Variants in SLC35F4 observed in about 807,000 individuals in gnomAD.
The protein encoded by SLC35F4 is solute carrier family 35 member F4.
A neutral mutation model predicts 44.2 loss-of-function variants in SLC35F4; 24 were observed. The ratio of observed to expected loss-of-function variants is 0.54; its 90% CI spans 0.39 to 0.76. The LOEUF (loss-of-function observed/expected upper bound fraction) is 0.76, where lower values mean the gene tolerates loss of function less well. Among genes scored for constraint, SLC35F4 ranks in the 30% least tolerant of loss-of-function variants. SLC35F4 has a pLI of 0.00. For missense variants in SLC35F4, 562 were observed against 586.1 expected (o/e 0.96, Z 0.42); for synonymous variants, 238 against 223.6 (o/e 1.06, Z -0.57).
chr14:57,759,865 G>T (rs1433825481), intron 1 of SLC35F4, among the ~76,000 whole-genome samples: 2 of 146,046 alleles, frequency 1.4e-5, no homozygotes, highest in African/African-American at 5.2e-5. Context: ...TAGATTATTT[G>T]CTCTTTCTTT....
intron 1 of SLC35F4, among the ~76,000 whole-genome samples, chr14:57,708,016 C>T (rs1286594468): frequency 3.3e-5 from 5 of 152,182 alleles, no homozygotes; most frequent in Non-Finnish European, 5.9e-5. Flanking sequence ...GCAGGATTAA[C>T]AAATTAGCCA....
chr14:57,688,637 T>C (rs989893725), intron 1 of SLC35F4, among the ~76,000 whole-genome samples: 5 of 152,134 alleles, frequency 3.3e-5, no homozygotes, highest in African/African-American at 1.2e-4. Context: ...GTTGGTACCA[T>C]CTCTTAATCT....
intron 1 of SLC35F4, among the ~76,000 whole-genome samples, chr14:57,953,759 G>C (rs1417317261): frequency 6.6e-6 from 1 of 152,136 alleles, no homozygotes; most frequent in Non-Finnish European, 1.5e-5. Context: ...CAATACAGGA[G>C]CACCCAGATT....
chr14:57,789,701 AT>A (rs1245828253), intron 1 of SLC35F4, among the ~76,000 whole-genome samples: 9 of 152,200 alleles, frequency 5.9e-5, no homozygotes, highest in African/African-American at 1.9e-4. Context: ...CAAAAATAAA[AT>A]TTCAGACCAA....
At chr14:57,616,970 C>T (rs1253243430) in intron 1 of SLC35F4, among the ~76,000 whole-genome samples, 1 of 151,954 alleles carries the variant, frequency 6.6e-6, no homozygotes, top group Admixed American at 6.6e-5. Context: ...CTGCATTATA[C>T]ATTATGAAAA....
chr14:57,922,358 C>T (rs1231792829), intron 1 of SLC35F4, among the ~76,000 whole-genome samples: 3 of 152,156 alleles, frequency 2.0e-5, no homozygotes, highest in Non-Finnish European at 2.9e-5. Flanking sequence ...AAAGAAGACA[C>T]CATTAACCAA....
rs1411348696 is a variant in SLC35F4, at chr14:57,581,389, A to G, written c.632T>C (p.Leu211Pro). 2.5e-6 allele frequency: 4 copies of G among 1,612,944 alleles called. No homozygotes were observed. Among genetic ancestry groups the G allele is most frequent in the Non-Finnish European group, 2.5e-6 (3 of 1,179,468 alleles). Residue 211 changes from leucine to proline, a missense_variant, in exon 4 of 8, where the codon CTC (leucine) becomes CCC (proline). Leu to Pro is a moderately conservative substitution (Grantham distance 98). Transcript: ENST00000556826. Reference sequence around the variant, plus strand: ...AAAGGGAGCAGTTCTTTTAAGAAAGAGTTTCAGCGTCAGACCATCTTCACC... The same window carrying G: ...AAAGGGAGCAGTTCTTTTAAGAAAGGGTTTCAGCGTCAGACCATCTTCACC... Reference protein sequence around the residue: ...IFGEDGLTLKLFLKRTAPFSI... With the variant: ...IFGEDGLTLKPFLKRTAPFSI...
intron 1 of SLC35F4, among the ~76,000 whole-genome samples, chr14:57,618,713 G>T (rs1346191992): frequency 6.6e-6 from 1 of 152,198 alleles, no homozygotes; most frequent in Non-Finnish European, 1.5e-5. Flanking sequence ...CTGGAAAGGG[G>T]GCTTGAAGCC....
At chr14:57,963,712 CTTTTTTTTTT>C (rs68101912) in intron 1 of SLC35F4, among the ~76,000 whole-genome samples, 1 of 31,254 alleles carries the variant, frequency 3.2e-5, no homozygotes, top group East Asian at 1.5e-3. Flanking sequence ...ATTCTAGCTC[CTTTTTTTTTT>C]TTTTTTTTTT....
chr14:57,783,765 G>T (rs1022101774), intron 1 of SLC35F4, among the ~76,000 whole-genome samples: 15 of 152,102 alleles, frequency 9.9e-5, no homozygotes. Context: ...AAAAATCAAA[G>T]ATTGTTGTCT....
intron 1 of SLC35F4, among the ~76,000 whole-genome samples, chr14:57,921,551 A>C (rs8022477): frequency 1.3e-5 from 2 of 152,184 alleles, no homozygotes; most frequent in African/African-American, 4.8e-5. Flanking sequence ...GGCTTAAACA[A>C]CAAAAATGGA....
chr14:57,910,133 T>A (rs1254757474), intron 1 of SLC35F4, among the ~76,000 whole-genome samples: 1 of 152,124 alleles, frequency 6.6e-6, no homozygotes, highest in Non-Finnish European at 1.5e-5. Context: ...TTTGCCTATT[T>A]TTTTTATCAG....
intron 1 of SLC35F4, among the ~76,000 whole-genome samples, chr14:57,787,479 T>G (rs977468656): frequency 2.6e-5 from 4 of 152,084 alleles, no homozygotes; most frequent in African/African-American, 9.7e-5. Flanking sequence ...AAAGTTAAGA[T>G]GAAGGAAAGA....
chr14:57,729,680 A>T (rs1220383095), intron 1 of SLC35F4, among the ~76,000 whole-genome samples: 1 of 152,008 alleles, frequency 6.6e-6, no homozygotes, highest in Non-Finnish European at 1.5e-5. Flanking sequence ...TGGGGGAGGG[A>T]TGCACAAGCA....
intron 1 of SLC35F4, among the ~76,000 whole-genome samples, chr14:57,769,295 T>C (rs1446661191): frequency 1.3e-5 from 2 of 152,052 alleles, no homozygotes; most frequent in Non-Finnish European, 2.9e-5. Flanking sequence ...GCACCCTCCT[T>C]TTCAAAATAA....
chr14:57,607,960 T>C (rs926122372), intron 1 of SLC35F4, among the ~76,000 whole-genome samples: 2 of 152,146 alleles, frequency 1.3e-5, no homozygotes, highest in African/African-American at 4.8e-5. Context: ...GACAACTGAA[T>C]TGATAAAACA....
intron 1 of SLC35F4, among the ~76,000 whole-genome samples, chr14:57,828,555 T>A (rs1884030012): frequency 6.6e-6 from 1 of 152,174 alleles, no homozygotes; most frequent in Admixed American, 6.6e-5. Context: ...TTCACACACA[T>A]CTCTCCAGAA....
At chr14:57,608,594 T>C (rs1178552186) in intron 1 of SLC35F4, among the ~76,000 whole-genome samples, 1 of 152,088 alleles carries the variant, frequency 6.6e-6, no homozygotes. Context: ...ACAATACATT[T>C]CTGTTGTTTC....
chr14:57,886,718 C>T (rs1257018450), intron 1 of SLC35F4, among the ~76,000 whole-genome samples: 1 of 151,884 alleles, frequency 6.6e-6, no homozygotes, highest in South Asian at 2.1e-4. Context: ...TCTGCAAAGG[C>T]CATGTCTTTT....
Sources: allele counts gnomAD v4.1 joint callset (sites outside exome capture counted in the v4.1 genomes callset), GRCh38; gene constraint gnomAD v4.1.1; transcripts MANE v1.5; gene names NCBI Gene and HGNC (gene_info 2026-07-23, HGNC 2026-07-21).